PNMA2: variants seen among roughly 807,000 people sequenced by gnomAD.
PNMA2 encodes the protein PNMA family member 2.
For missense variants in PNMA2, 455 were observed against 452.9 expected, an observed-to-expected ratio of 1.00 and a Z score of -0.04; for synonymous variants, 175 against 183.5, an observed-to-expected ratio of 0.95 and a Z score of 0.38.
rs1479949192 is a variant in PNMA2, at chr8:26,504,964, ATAAG to A, written c.*2693_*2696del. ...TTAAACTGAACCACAATCAGAAAAA[ATAAG>A]TAATTATTTAAAAGTCAAACCTCTA... On this transcript the variant is annotated 3_prime_UTR_variant, in exon 3 of 3. Transcript: ENST00000522362. 5.2e-5 allele frequency: 8 copies of A among 152,388 alleles called. No homozygotes were observed. The East Asian group carries it at 1.5e-3, about 29-fold the overall frequency. The allele number at this position is 152,388 out of a possible 1,614,324, so 9.4% of individuals were successfully genotyped here. A position where few individuals can be genotyped will look rare whatever the true frequency, so the allele number is the denominator to read the frequency against.
At position 26,506,821 on chromosome 8, in the gene PNMA2, T is replaced by C. The variant is rs1433872224; in HGVS notation, c.*840A>G. On this transcript the variant is annotated 3_prime_UTR_variant, in exon 3 of 3. Transcript: ENST00000522362. This position sits in a 1 kb window ranked among gnomAD's most constrained non-coding sequence, Gnocchi z 4.4. Reference sequence around the variant, plus strand: ...TCAACTGCAGGTTATAGCTGTAGTCTTGTAACTCCTTGTACAGTGTCTCAC... The same window carrying C: ...TCAACTGCAGGTTATAGCTGTAGTCCTGTAACTCCTTGTACAGTGTCTCAC... 6.6e-6 allele frequency: 1 copy of C among 152,278 alleles called. No homozygotes were observed. The highest frequency in any genetic ancestry group is 1.5e-5 in the Non-Finnish European group (1 of 68,054). 9.4% of individuals were successfully genotyped at this position (152,278 alleles called of 1,614,324 possible). A position where few individuals can be genotyped will look rare whatever the true frequency, so the allele number is the denominator to read the frequency against.
chr8:26,508,272 A>G lies in PNMA2; in HGVS notation c.484T>C (p.Tyr162His), dbSNP rs555767944. 3.1e-6 allele frequency: 5 copies of G among 1,600,646 alleles called. No homozygotes were observed. Among genetic ancestry groups the G allele is most frequent in the African/African-American group, 2.7e-5 (2 of 74,654 alleles). The change falls in exon 3 of 3, where the codon TAC becomes CAC. Residue 162 changes from tyrosine (Y) to histidine (H), a missense_variant. Coordinates refer to ENST00000522362, the MANE Select transcript of PNMA2 (RefSeq NM_007257.6). This position sits in a 1 kb window ranked among gnomAD's most constrained non-coding sequence, Gnocchi z 5.5. ...CCTGAGAATACTCGCAGTTTCCGGT[A>G]TCTCATGGGTAGCAGGGGCTGAGGC... Reference protein sequence around the residue: ...HAPQPLLPMRYRKLRVFSGSA... With the variant: ...HAPQPLLPMRHRKLRVFSGSA...
In PNMA2 at chr8:26,507,534, GGGAA is replaced by G. The variant is rs201014160; in HGVS notation, c.*123_*126del. 1.2e-3 allele frequency: 883 copies of G among 746,634 alleles called. No individual in the cohort carries two copies. Among genetic ancestry groups the G allele is most frequent in the African/African-American group, 8.1e-3 (457 of 56,726 alleles). 46.3% of individuals were successfully genotyped at this position (746,634 alleles called of 1,614,324 possible). On this transcript the variant is annotated 3_prime_UTR_variant, in exon 3 of 3. Transcript: ENST00000522362. ...AGAGAAGGAGAGAAGGAGGAAGGGA[GGGAA>G]GGAAGGAAGGAAGGAAGGTCAATAA...
At position 26,507,959 on chromosome 8, in the gene PNMA2, G is replaced by T. The variant is rs1014437046; in HGVS notation, c.797C>A (p.Ser266Ter). 1.2e-6 allele frequency: 2 copies of T among 1,614,028 alleles called. No individual in the cohort carries two copies. Among genetic ancestry groups the T allele is most frequent in the Non-Finnish European group, 1.7e-6 (2 of 1,180,036 alleles). Residue 266 changes from serine to a stop codon, truncating the protein, a stop_gained, in exon 3 of 3, where the codon TCA (serine) becomes TAA (stop). Coordinates refer to ENST00000522362, the MANE Select transcript of PNMA2 (RefSeq NM_007257.6). LOFTEE classifies it low-confidence loss of function (END_TRUNC). ...KTYQEEGEKV[S>*]AYVLRLETLL... ...GGTTTCTAGCCGTAACACATAGGCT[G>T]AGACCTTCTCTCCTTCCTCCTGATA... is the stretch of plus-strand genomic sequence containing the variant.
At chr8:26,512,473 C>A (rs1808178059) in intron 1 of PNMA2, among the ~76,000 whole-genome samples, 1 of 152,160 alleles carries the variant, frequency 6.6e-6, no homozygotes, top group African/African-American at 2.4e-5. Context: ...TAACTATATT[C>A]ACCAAACTAT....
chr8:26,508,529 G>T lies in PNMA2; in HGVS notation c.227C>A (p.Ser76Ter), dbSNP rs1808092329. ...LLELLEDTDV[S>*]AIPSEVQGKG... is the part of the protein sequence containing the mutation. ...TCCCTGGACCTCACTGGGAATGGCC[G>T]AGACATCAGTATCTTCCAGAAGCTC... The change falls in exon 3 of 3, where the codon TCG (serine) becomes TAG (stop). Residue 76 changes from serine to a stop codon, truncating the protein, a stop_gained. Transcript: ENST00000522362. LOFTEE classifies it high-confidence loss of function. This position sits in a 1 kb window ranked among gnomAD's most constrained non-coding sequence, Gnocchi z 5.5. 2 of 1,614,154 alleles carry T rather than the reference G, an allele frequency of 1.2e-6. No homozygotes were observed. The highest frequency in any genetic ancestry group is 4.5e-5 in the East Asian group (2 of 44,884).
Position 26,508,069 on chromosome 8 carries a change from A to T in PNMA2, c.687T>A (p.Ser229Arg). Reference sequence around the variant, plus strand: ...TAAAGGCCTCCAAACACTCTTCTACACTGATGGACGGGTTGTCTGCCTGCA... The same window carrying T: ...TAAAGGCCTCCAAACACTCTTCTACTCTGATGGACGGGTTGTCTGCCTGCA... ...HIVQADNPSI[S>R]VEECLEAFKQ... The change falls in exon 3 of 3, where the codon AGT becomes AGA. Residue 229 changes from serine to arginine, a missense_variant. Physicochemically the swap from Ser to Arg is moderately radical, Grantham distance 110. Transcript: ENST00000522362. This position sits in a 1 kb window ranked among gnomAD's most constrained non-coding sequence, Gnocchi z 5.5. 1 of 1,614,202 alleles carries T rather than the reference A, an allele frequency of 6.2e-7. No individual in the cohort carries two copies. Among genetic ancestry groups the T allele is most frequent in the Non-Finnish European group, 8.5e-7 (1 of 1,180,038 alleles).
At chr8:26,510,584 G>A (rs1808133778) in intron 1 of PNMA2, among the ~76,000 whole-genome samples, 2 of 151,546 alleles carry the variant, frequency 1.3e-5, no homozygotes, top group African/African-American at 4.9e-5. Context: ...GAGTACCTGG[G>A]ACCACAGGCA....
At position 26,507,778 on chromosome 8, in the gene PNMA2, C is replaced by A. The variant is rs148320981; in HGVS notation, c.978G>T (p.Glu326Asp). The A allele has an allele frequency of 6.9e-4, 1,120 of 1,613,702 alleles. 1 individual carries two copies. The highest frequency in any genetic ancestry group is 8.7e-4 in the Non-Finnish European group (1,031 of 1,179,862). Residue 326 changes from glutamate (E) to aspartate (D), a missense_variant, in exon 3 of 3, where the codon GAG (glutamate) becomes GAT (aspartate). Coordinates refer to ENST00000522362, the MANE Select transcript of PNMA2 (RefSeq NM_007257.6). ...CTTCTTCCCGTATTACCTTCATTAG[C>A]TCAAGGAAGCTGGGGGGCGGGCCCT... is the stretch of plus-strand genomic sequence containing the variant. ...KDQGPPPSFL[E>D]LMKVIREEEE...
intron 1 of PNMA2, among the ~76,000 whole-genome samples, chr8:26,513,354 A>T (rs180938670): frequency 6.7e-6 from 1 of 149,496 alleles, no homozygotes; most frequent in Non-Finnish European, 1.5e-5. Flanking sequence ...CCCATCTGCT[A>T]CGCCCCTCTG....
rs1808031275 is a variant in PNMA2 at position 26,505,452 on chromosome 8, G to A, written c.*2209C>T. ...ATCTGCACTGCACTCACACACTTAC[G>A]TGATACACAGGTCTGATCTAAATAC... On this transcript the variant is annotated 3_prime_UTR_variant, in exon 3 of 3. Transcript: ENST00000522362. 1 of 154,606 alleles carries A rather than the reference G, an allele frequency of 6.5e-6. No homozygotes were observed. Among genetic ancestry groups the A allele is most frequent in the African/African-American group, 2.4e-5 (1 of 41,534 alleles). The allele number at this position is 154,606 out of a possible 1,614,324, so 9.6% of individuals were successfully genotyped here. A position where few individuals can be genotyped will look rare whatever the true frequency, so the allele number is the denominator to read the frequency against.
At chr8:26,511,084 G>A (rs758602641) in intron 1 of PNMA2, among the ~76,000 whole-genome samples, 5 of 148,172 alleles carry the variant, frequency 3.4e-5, no homozygotes, top group African/African-American at 7.4e-5. Flanking sequence ...CCTGGGAGAC[G>A]GAAGTTGCAG....
chr8:26,513,184 C>G (rs2117587861), intron 1 of PNMA2, among the ~76,000 whole-genome samples: 1 of 149,286 alleles, frequency 6.7e-6, no homozygotes, highest in East Asian at 2.0e-4. Context: ...GTTCCTGCGC[C>G]CTTCTTGGCG....
At chr8:26,511,257 A>C (rs1221145290) in intron 1 of PNMA2, among the ~76,000 whole-genome samples, 3 of 151,798 alleles carry the variant, frequency 2.0e-5, no homozygotes, top group Non-Finnish European at 4.4e-5. Context: ...AAACATCTTC[A>C]TCAATTCGAA....
At chr8:26,513,658 G>C (rs1808214563) in intron 1 of PNMA2, among the ~76,000 whole-genome samples, 158 bp downstream of exon 1, 1 of 152,206 alleles carries the variant, frequency 6.6e-6, no homozygotes, top group Non-Finnish European at 1.5e-5. Flanking sequence ...CCAGGGTAAC[G>C]GGGCGGGACC....
Position 26,508,160 on chromosome 8 carries a change from T to A in PNMA2, c.596A>T (p.Glu199Val), listed in dbSNP as rs753688010. ...CGCCAGCCACCTTTTCTTTTCTGCCTCTGTTACTGGCCACTCTTTGACTAT... is the reference window on the plus strand; with the variant it reads ...CGCCAGCCACCTTTTCTTTTCTGCCACTGTTACTGGCCACTCTTTGACTAT... ...TEIVKEWPVT[E>V]AEKKRWLAES... The change falls in exon 3 of 3, where the codon GAG becomes GTG. Residue 199 changes from glutamate to valine, a missense_variant. Coordinates refer to ENST00000522362, the MANE Select transcript of PNMA2 (RefSeq NM_007257.6). The surrounding 1 kb of genome is among the most constrained non-coding windows in gnomAD (Gnocchi z 5.5). The A allele has an allele frequency of 3.7e-6, 6 of 1,614,076 alleles. No individual in the cohort carries two copies. In the Admixed American group the frequency reaches 1.0e-4, roughly 27 times the overall value.
At position 26,508,657 on chromosome 8, in the gene PNMA2, A is replaced by C; in HGVS notation, c.99T>G (p.Ala33=). 6.2e-7 allele frequency: 1 copy of C among 1,614,160 alleles called. No individual in the cohort carries two copies. The highest frequency in any genetic ancestry group is 8.5e-7 in the Non-Finnish European group (1 of 1,180,032). ...VTGIPADFEE[A]EIQEVLQETL... ...TCTCCTGAAGGACCTCCTGAATCTC[A>C]GCCTCCTCAAAGTCCGCCGGTATCC... Residue 33 remains alanine (A), a synonymous_variant, in exon 3 of 3, where the codon GCT becomes GCG. Transcript: ENST00000522362. This position sits in a 1 kb window ranked among gnomAD's most constrained non-coding sequence, Gnocchi z 5.5.
rs956132340 is a variant in PNMA2 at position 26,508,840 on chromosome 8, C to A, written c.-85G>T. The A allele has an allele frequency of 6.6e-7, 1 of 1,523,458 alleles. No homozygotes were observed. The highest frequency in any genetic ancestry group is 1.4e-5 in the African/African-American group (1 of 71,996). 94.4% of individuals were successfully genotyped at this position (1,523,458 alleles called of 1,614,324 possible). On this transcript the variant is annotated 5_prime_UTR_variant, in exon 3 of 3. Transcript: ENST00000522362. The surrounding 1 kb of genome is among the most constrained non-coding windows in gnomAD (Gnocchi z 5.5). ...TGCACTGACTTAATATTGAAAATAT[C>A]CTGGATGAGCTTCTAACCTTAGAAC...
Position 26,506,702 on chromosome 8 carries a change from A to G in PNMA2, c.*959T>C, listed in dbSNP as rs1808049243. The G allele has an allele frequency of 6.6e-6, 1 of 152,254 alleles. No individual in the cohort carries two copies. The highest frequency in any genetic ancestry group is 2.1e-4 in the South Asian group (1 of 4,830). 9.4% of individuals were successfully genotyped at this position (152,254 alleles called of 1,614,324 possible). On this transcript the variant is annotated 3_prime_UTR_variant, in exon 3 of 3. Coordinates refer to ENST00000522362, the MANE Select transcript of PNMA2 (RefSeq NM_007257.6). The surrounding 1 kb of genome is among the most constrained non-coding windows in gnomAD (Gnocchi z 4.4). Reference sequence around the variant, plus strand: ...CTGGGGTGATGAACTTATTTACACAAAGGGTTAGTTAGCCTTTTACCTGTC... The same window carrying G: ...CTGGGGTGATGAACTTATTTACACAGAGGGTTAGTTAGCCTTTTACCTGTC...
Sources: allele counts gnomAD v4.1 joint callset (sites outside exome capture counted in the v4.1 genomes callset), GRCh38; gene constraint gnomAD v4.1.1; non-coding constraint Gnocchi (gnomAD v3.1); transcripts MANE v1.5; gene names NCBI Gene and HGNC (gene_info 2026-07-23, HGNC 2026-07-21).